The following ERBB4 variants were observed in gnomAD, a reference collection of about 807,000 sequenced individuals.
The protein encoded by ERBB4 is erb-b2 receptor tyrosine kinase 4.
In ERBB4, 42 loss-of-function variants were observed where a neutral mutation model predicts 158.0. The ratio of observed to expected loss-of-function variants is 0.27; its 90% CI spans 0.21 to 0.34. The LOEUF (loss-of-function observed/expected upper bound fraction) is 0.34. Among genes scored for constraint, ERBB4 ranks in the 10% least tolerant of loss-of-function variants. The pLI, the probability that ERBB4 is intolerant of heterozygous loss-of-function variation, is 1.00. For synonymous variants in ERBB4, 583 were observed against 558.7 expected (o/e 1.04, Z -0.61); for missense variants, 1,333 against 1,624.1 (o/e 0.82, Z 3.08).
intron 1 of ERBB4, among the ~76,000 whole-genome samples, chr2:212,504,307 T>G (rs1015321741): frequency 6.6e-6 from 1 of 152,166 alleles, no homozygotes; most frequent in African/African-American, 2.4e-5. Flanking sequence ...TTGTATTTAT[T>G]TTCTTCTACA....
chr2:212,241,155 G>A (rs539739046), intron 1 of ERBB4, among the ~76,000 whole-genome samples: 4 of 152,224 alleles, frequency 2.6e-5, no homozygotes, highest in African/African-American at 9.6e-5. Flanking sequence ...TCTTTGGGAG[G>A]TTGAGGCAGG....
intron 3 of ERBB4, among the ~76,000 whole-genome samples, chr2:211,853,306 GT>G (rs1405711011): frequency 2.0e-5 from 3 of 151,894 alleles, no homozygotes; most frequent in Non-Finnish European, 4.4e-5. Context: ...AGCAGTCTAT[GT>G]TGCCTTTCTT....
Position 212,399,863 on chromosome 2 carries a change from G to A in ERBB4, c.82+138586C>T, listed in dbSNP as rs1337914947. Among the ~76,000 whole-genome samples, 3 of 152,020 alleles carry A rather than the reference G, an allele frequency of 2.0e-5. No homozygotes were observed. In the East Asian group the frequency reaches 5.8e-4, roughly 30 times the overall value. On this transcript the variant is annotated intron_variant, in intron 1 of 27. Coordinates refer to ENST00000342788, the MANE Select transcript of ERBB4 (RefSeq NM_005235.3). Reference sequence around the variant, plus strand: ...CACTGCACTCCAGCCTGGTGACAGAGCAAGATTCTGTCTCAAAAACAAAAA... The same window carrying A: ...CACTGCACTCCAGCCTGGTGACAGAACAAGATTCTGTCTCAAAAACAAAAA...
Position 211,715,625 on chromosome 2 carries a change from G to A in ERBB4, c.884-1977C>T, listed in dbSNP as rs939433052. Among the ~76,000 whole-genome samples, 37 of 152,078 alleles carry A rather than the reference G, an allele frequency of 2.4e-4. 1 individual carries two copies. The highest frequency in any genetic ancestry group is 5.6e-4 in the African/African-American group (23 of 41,416). On this transcript the variant is annotated intron_variant, in intron 7 of 27. Transcript: ENST00000342788. ...TAACACCATCCCTCTTGGTGTTGTC[G>A]TTGCAAGAGTGAGTTAGCATGAGAT...
At chr2:211,889,288 C>T (rs981054346) in intron 3 of ERBB4, among the ~76,000 whole-genome samples, 4 of 144,326 alleles carry the variant, frequency 2.8e-5, no homozygotes, top group Non-Finnish European at 1.5e-5. Context: ...AGCCGGGGCA[C>T]ACTGACACCT....
intron 1 of ERBB4, among the ~76,000 whole-genome samples, chr2:212,194,293 C>T (rs62182575): frequency 0.02 from 2,118 of 105,378 alleles, 42 homozygotes; most frequent in African/African-American, 0.061. Context: ...ATAGTTTATA[C>T]ACACACACAC....
chr2:212,032,584 G>T lies in ERBB4; in HGVS notation c.235-84968C>A, dbSNP rs536006156. ...CATCAGTGCATTATCATATCAAATG[G>T]AATACTTTATATGTGGATATAATTT... On this transcript the variant is annotated intron_variant, in intron 2 of 27. Transcript: ENST00000342788. Among the ~76,000 whole-genome samples the T allele has an allele frequency of 1.5e-4, 23 of 151,988 alleles. No homozygotes were observed. The East Asian group carries it at 3.5e-3, about 23-fold the overall frequency.
chr2:212,264,369 G>C (rs1044043343), intron 1 of ERBB4, among the ~76,000 whole-genome samples: 10 of 152,124 alleles, frequency 6.6e-5, no homozygotes, highest in Admixed American at 1.3e-4. Flanking sequence ...AAGGCACATA[G>C]ACACATCTCA....
intron 17 of ERBB4, among the ~76,000 whole-genome samples, chr2:211,626,039 T>G (rs1048777637): frequency 6.6e-6 from 1 of 152,206 alleles, no homozygotes; most frequent in Non-Finnish European, 1.5e-5. Flanking sequence ...TATATGACAG[T>G]GTTGCCACTC....
intron 21 of ERBB4, 139 bp from the exon 22 acceptor site, chr2:211,428,622 A>C (rs2063685891): frequency 4.2e-6 from 2 of 474,984 alleles, no homozygotes; most frequent in Admixed American, 3.6e-5. Flanking sequence ...ATAACTATAA[A>C]TATATGTTAA....
chr2:212,215,398 G>A (rs892956440), intron 1 of ERBB4, among the ~76,000 whole-genome samples: 1 of 151,288 alleles, frequency 6.6e-6, no homozygotes, highest in Non-Finnish European at 1.5e-5. Flanking sequence ...TTTTTCTAAG[G>A]CTCAAATTGC....
chr2:211,762,300 G>A (rs1274535699), intron 4 of ERBB4, among the ~76,000 whole-genome samples: 1 of 152,166 alleles, frequency 6.6e-6, no homozygotes. Flanking sequence ...GCTTTCGCAG[G>A]CATAGCAGAC....
chr2:211,593,042 A>T (rs1020350681), intron 19 of ERBB4, among the ~76,000 whole-genome samples: 1 of 150,120 alleles, frequency 6.7e-6, no homozygotes, highest in East Asian at 2.0e-4. Flanking sequence ...CCTTCTGCAC[A>T]CTGAAGGGGC....
intron 2 of ERBB4, among the ~76,000 whole-genome samples, chr2:211,956,853 G>A (rs1311873829): frequency 6.6e-6 from 1 of 151,994 alleles, no homozygotes; most frequent in Non-Finnish European, 1.5e-5. Flanking sequence ...GTTTGTTTAT[G>A]AGACAGATTC....
intron 20 of ERBB4, among the ~76,000 whole-genome samples, chr2:211,488,744 A>G (rs1325312112): frequency 6.6e-6 from 1 of 152,110 alleles, no homozygotes; most frequent in East Asian, 1.9e-4. Context: ...TCATCTTGCA[A>G]ATAATAAATT....
intron 1 of ERBB4, among the ~76,000 whole-genome samples, chr2:212,189,366 T>C (rs1159312191): frequency 6.6e-6 from 1 of 152,186 alleles, no homozygotes; most frequent in Non-Finnish European, 1.5e-5. Context: ...TCATTTCTTC[T>C]GCTTATCCTC....
chr2:212,237,062 G>A lies in ERBB4; in HGVS notation c.83-112159C>T, dbSNP rs180838154. 4.5e-3 allele frequency among the ~76,000 whole-genome samples: 685 copies of A among 152,142 alleles called. 28 individuals are homozygous for A. The highest frequency in any genetic ancestry group is 0.04 in the Admixed American group (610 of 15,276). ...TAGTTCTTTTAATTGTGATGTTAGG[G>A]TGTTGATTTTAGAAATCTTTCCTGC... On this transcript the variant is annotated intron_variant, in intron 1 of 27. Coordinates refer to ENST00000342788, the MANE Select transcript of ERBB4 (RefSeq NM_005235.3).
chr2:212,335,274 A>G (rs1484371131), intron 1 of ERBB4, among the ~76,000 whole-genome samples: 2 of 151,956 alleles, frequency 1.3e-5, no homozygotes, highest in East Asian at 3.9e-4. Context: ...TCCATATTAT[A>G]TAATACATAA....
At chr2:211,718,098 G>C (rs545235497) in intron 7 of ERBB4, among the ~76,000 whole-genome samples, 1 of 152,218 alleles carries the variant, frequency 6.6e-6, no homozygotes, top group Non-Finnish European at 1.5e-5. Flanking sequence ...TTTTAGTACA[G>C]ATGGGGTTTC....
Sources: allele counts gnomAD v4.1 joint callset (sites outside exome capture counted in the v4.1 genomes callset), GRCh38; gene constraint gnomAD v4.1.1; transcripts MANE v1.5; gene names NCBI Gene and HGNC (gene_info 2026-07-23, HGNC 2026-07-21).